The following FAM163A variants were observed in gnomAD, a reference collection of about 807,000 sequenced individuals.
The protein encoded by FAM163A is family with sequence similarity 163 member A.
Under a neutral mutation model 12.0 loss-of-function variants are expected in FAM163A, and 7 were observed. That is an observed-to-expected ratio of 0.58 (90% confidence interval 0.33 to 1.10). The LOEUF is 1.10. Among genes scored for constraint, FAM163A ranks in the 50% least tolerant of loss-of-function variants. The probability of loss-of-function intolerance (pLI) is 0.03; values close to 1 mark genes in which losing one functional copy is unlikely to be tolerated. For synonymous variants in FAM163A, 101 were observed against 91.0 expected, an observed-to-expected ratio of 1.11 and a Z score of -0.62; for missense variants, 202 against 218.6, an observed-to-expected ratio of 0.92 and a Z score of 0.48.
Position 179,792,285 on chromosome 1 carries a change from G to T in FAM163A, c.-135-15513G>T, listed in dbSNP as rs528701207. On this transcript the variant is annotated intron_variant, in intron 1 of 4. Transcript: ENST00000341785. ...CAGACACATGCCACCATATCTGATT[G>T]TGTGTGTGTGTGTGTGTGTGTGTGT... 6.1e-5 allele frequency among the ~76,000 whole-genome samples: 4 copies of T among 65,926 alleles called. No homozygotes were observed. In the East Asian group the frequency reaches 1.4e-3, roughly 23 times the overall value. 43.3% of individuals were successfully genotyped at this position (65,926 alleles called of 152,430 possible).
At chr1:179,752,822 A>T (rs1361027776) in intron 1 of FAM163A, among the ~76,000 whole-genome samples, 1 of 152,204 alleles carries the variant, frequency 6.6e-6, no homozygotes, top group Non-Finnish European at 1.5e-5. Context: ...GGAGAAACTG[A>T]AACTCTTGTG....
chr1:179,762,610 G>C (rs1194912542), intron 1 of FAM163A, among the ~76,000 whole-genome samples: 1 of 152,220 alleles, frequency 6.6e-6, no homozygotes, highest in Non-Finnish European at 1.5e-5. Context: ...ATTATATCAA[G>C]TGAAGAGCTG....
chr1:179,808,303 G>A (rs760427294), intron 2 of FAM163A, among the ~76,000 whole-genome samples: 42 of 152,330 alleles, frequency 2.8e-4, no homozygotes, highest in Non-Finnish European at 5.1e-4. Flanking sequence ...CTTTTGCTGC[G>A]TCACAAACTA....
At chr1:179,759,573 C>T (rs1686508004) in intron 1 of FAM163A, among the ~76,000 whole-genome samples, 1 of 152,038 alleles carries the variant, frequency 6.6e-6, no homozygotes, top group African/African-American at 2.4e-5. Flanking sequence ...AGGGCTTTGG[C>T]TGTTTGAAGA....
intron 1 of FAM163A, among the ~76,000 whole-genome samples, chr1:179,796,983 G>A (rs1692417924): frequency 6.6e-6 from 1 of 152,166 alleles, no homozygotes; most frequent in Non-Finnish European, 1.5e-5. Context: ...TATGACACGG[G>A]GGCTCCTGCC....
At chr1:179,753,801 A>C (rs758744926) in intron 1 of FAM163A, among the ~76,000 whole-genome samples, 3 of 152,194 alleles carry the variant, frequency 2.0e-5, no homozygotes, top group Non-Finnish European at 4.4e-5. Flanking sequence ...CTCGGTGAAG[A>C]GAGAAAGGGT....
At chr1:179,777,293 A>G (rs1289491956) in intron 1 of FAM163A, among the ~76,000 whole-genome samples, 2 of 152,230 alleles carry the variant, frequency 1.3e-5, no homozygotes, top group East Asian at 1.9e-4. Context: ...ATGCTTGTCA[A>G]AAGCTCACTG....
chr1:179,746,822 A>G (rs1684531700), intron 1 of FAM163A, among the ~76,000 whole-genome samples: 1 of 152,134 alleles, frequency 6.6e-6, no homozygotes, highest in Admixed American at 6.5e-5. Flanking sequence ...GGGCTGTGAG[A>G]CTGCACAGTG....
intron 1 of FAM163A, among the ~76,000 whole-genome samples, chr1:179,787,100 T>C (rs1364772122): frequency 1.3e-5 from 2 of 152,264 alleles, no homozygotes; most frequent in African/African-American, 4.8e-5. Flanking sequence ...TTATTAATAA[T>C]GTTTGAAATG....
chr1:179,810,151 G>C (rs765899539), intron 2 of FAM163A, among the ~76,000 whole-genome samples: 2 of 152,152 alleles, frequency 1.3e-5, no homozygotes, highest in Non-Finnish European at 2.9e-5. Flanking sequence ...CTTGATCCCA[G>C]AGGACTTATA....
At chr1:179,767,381 C>T (rs1037142163) in intron 1 of FAM163A, among the ~76,000 whole-genome samples, 4 of 152,164 alleles carry the variant, frequency 2.6e-5, no homozygotes, top group Non-Finnish European at 5.9e-5. Context: ...TTCAGGGACT[C>T]AGCCTTCCCC....
rs139760129 is a variant in FAM163A, at chr1:179,781,865, C to T, written c.-135-25933C>T. Among the ~76,000 whole-genome samples, 994 of 145,820 alleles carry T rather than the reference C, an allele frequency of 6.8e-3. 9 individuals are homozygous for T. The highest frequency in any genetic ancestry group is 0.024 in the African/African-American group (956 of 39,822). On this transcript the variant is annotated intron_variant, in intron 1 of 4. Transcript: ENST00000341785. ...AGGAGAATCGCTTGAGCCCAGGAGG[C>T]GGAGGTCACAGTGAGCCAAGATCGT...
At chr1:179,811,726 C>T (rs1694730725) in intron 2 of FAM163A, among the ~76,000 whole-genome samples, 1 of 152,172 alleles carries the variant, frequency 6.6e-6, no homozygotes, top group South Asian at 2.1e-4. Flanking sequence ...GCTTTGTGAG[C>T]ACAGTGCAGT....
Position 179,815,616 on chromosome 1 carries a change from TGTGA to T in FAM163A, c.*1433_*1436del, listed in dbSNP as rs1695251544. ...CCTACTTAGAATGTGGCAGTGGCTT[TGTGA>T]GTGAGAATCCTGATGAGTTTTCCAG... On this transcript the variant is annotated 3_prime_UTR_variant, in exon 5 of 5. Transcript: ENST00000341785. 6.6e-6 allele frequency: 1 copy of T among 152,262 alleles called. No homozygotes were observed. The allele number at this position is 152,262 out of a possible 1,614,324, so 9.4% of individuals were successfully genotyped here.
At chr1:179,809,575 C>CA (rs1207504013) in intron 2 of FAM163A, among the ~76,000 whole-genome samples, 1 of 152,196 alleles carries the variant, frequency 6.6e-6, no homozygotes, top group African/African-American at 2.4e-5. Context: ...CATTGCCGTG[C>CA]ACAGCCTGCG....
chr1:179,735,587 T>A, the FAM163A span, among the ~76,000 whole-genome samples: 1 of 134,488 alleles, frequency 7.4e-6, no homozygotes, highest in Admixed American at 8.8e-5. Context: ...CACCGCAAGC[T>A]CTGCCTCCCG....
At chr1:179,796,132 T>TACACACACACACACAC (rs35899165) in intron 1 of FAM163A, among the ~76,000 whole-genome samples, 46 of 145,448 alleles carry the variant, frequency 3.2e-4, no homozygotes, top group African/African-American at 8.4e-4. Flanking sequence ...CATTCAATAA[T>TACACACACACACACAC]ACACACACAC....
intron 1 of FAM163A, among the ~76,000 whole-genome samples, chr1:179,747,058 G>C (rs1684572287): frequency 1.3e-5 from 2 of 151,954 alleles, no homozygotes; most frequent in Non-Finnish European, 2.9e-5. Flanking sequence ...ATTGGGTAAA[G>C]GAGCAAGAGG....
intron 1 of FAM163A, among the ~76,000 whole-genome samples, chr1:179,745,935 T>C (rs1684406243): frequency 6.6e-6 from 1 of 152,166 alleles, no homozygotes; most frequent in African/African-American, 2.4e-5. Context: ...ATAAAGACTC[T>C]TACTTGTAGA....
Sources: allele counts gnomAD v4.1 joint callset (sites outside exome capture counted in the v4.1 genomes callset), GRCh38; gene constraint gnomAD v4.1.1; transcripts MANE v1.5; gene names NCBI Gene and HGNC (gene_info 2026-07-23, HGNC 2026-07-21).